Variants in ILRUN observed in about 807,000 individuals in gnomAD.
The protein encoded by ILRUN is protein ILRUN.
Under a neutral mutation model 33.8 loss-of-function variants are expected in ILRUN, and 3 were observed. The observed-to-expected ratio is 0.09, with a 90% CI of 0.04 to 0.23. The LOEUF (loss-of-function observed/expected upper bound fraction) is 0.23, where lower values mean the gene tolerates loss of function less well. Among genes scored for constraint, ILRUN ranks in the 10% least tolerant of loss-of-function variants. ILRUN has a pLI of 1.00. For synonymous variants in ILRUN, 124 were observed against 138.9 expected (o/e 0.89, Z 0.75); for missense variants, 210 against 375.1 (o/e 0.56, Z 3.64).
chr6:34,680,108 C>T (rs151143226), intron 1 of ILRUN, among the ~76,000 whole-genome samples: 26 of 152,390 alleles, frequency 1.7e-4, no homozygotes, highest in Non-Finnish European at 3.4e-4. Context: ...ATCAGAAGCA[C>T]AGGCTACTTA....
At chr6:34,600,535 T>TAA (rs1761487259) in intron 4 of ILRUN, among the ~76,000 whole-genome samples, 2 of 152,226 alleles carry the variant, frequency 1.3e-5, no homozygotes, top group South Asian at 4.1e-4. Flanking sequence ...CTGTATCTTG[T>TAA]GGCCACTATC....
chr6:34,678,836 C>CA (rs767799882), intron 1 of ILRUN, among the ~76,000 whole-genome samples: 1,204 of 47,016 alleles, frequency 0.026, 83 homozygotes, highest in African/African-American at 0.061. Flanking sequence ...GACTCCGTCT[C>CA]AAAAAAAAAA....
chr6:34,688,762 G>A (rs192808884), intron 1 of ILRUN, among the ~76,000 whole-genome samples: 5 of 151,770 alleles, frequency 3.3e-5, no homozygotes, highest in Admixed American at 2.0e-4. Context: ...GTAGTGAGCC[G>A]AGATCACGCC....
chr6:34,625,677 TTC>T (rs1562007521), intron 3 of ILRUN, among the ~76,000 whole-genome samples: 1 of 152,206 alleles, frequency 6.6e-6, no homozygotes, highest in Non-Finnish European at 1.5e-5. Flanking sequence ...TTTGCCCACC[TTC>T]TTTCAGTTTA....
At chr6:34,655,328 T>C (rs1762747171) in intron 1 of ILRUN, among the ~76,000 whole-genome samples, 1 of 152,032 alleles carries the variant, frequency 6.6e-6, no homozygotes, top group Non-Finnish European at 1.5e-5. Context: ...ATACAGAAAA[T>C]CATGTTCTCT....
intron 1 of ILRUN, among the ~76,000 whole-genome samples, chr6:34,687,516 G>A (rs1763546566): frequency 6.6e-6 from 1 of 151,608 alleles, no homozygotes; most frequent in Non-Finnish European, 1.5e-5. Flanking sequence ...CCAATAAGGT[G>A]AAACCCCGTC....
In ILRUN at chr6:34,587,339, A is replaced by G. The variant is rs1345503776; in HGVS notation, c.*3226T>C. The G allele has an allele frequency of 2.0e-5, 3 of 152,624 alleles. No individual in the cohort carries two copies. The highest frequency in any genetic ancestry group is 7.2e-5 in the African/African-American group (3 of 41,430). 9.5% of individuals were successfully genotyped at this position (152,624 alleles called of 1,614,324 possible). ...TCATACAAATATTCATTTATACAAT[A>G]AGGAAAAACCTCCTCATCTTTATCT... On this transcript the variant is annotated 3_prime_UTR_variant, in exon 5 of 5. Transcript: ENST00000374023.
rs1055713798 is a variant in ILRUN at position 34,589,302 on chromosome 6, GCCCACCT to G, written c.*1256_*1262del. The G allele has an allele frequency of 2.3e-4, 35 of 152,380 alleles. No homozygotes were observed. Among genetic ancestry groups the G allele is most frequent in the African/African-American group, 8.4e-4 (35 of 41,592 alleles). 9.4% of individuals were successfully genotyped at this position (152,380 alleles called of 1,614,324 possible). ...TCTTGCTTCAGCTGGGCTGCCACTT[GCCCACCT>G]CCCAGCCAATAATCTAGCATCCTGG... On this transcript the variant is annotated 3_prime_UTR_variant, in exon 5 of 5. Transcript: ENST00000374023.
intron 3 of ILRUN, among the ~76,000 whole-genome samples, chr6:34,620,121 T>C (rs1169756897): frequency 1.3e-5 from 2 of 152,120 alleles, no homozygotes; most frequent in African/African-American, 4.8e-5. Flanking sequence ...GAGTACCCTA[T>C]AGCAGGAGGA....
At chr6:34,625,016 T>C (rs1762088775) in intron 3 of ILRUN, among the ~76,000 whole-genome samples, 1 of 152,170 alleles carries the variant, frequency 6.6e-6, no homozygotes, top group South Asian at 2.1e-4. Flanking sequence ...GCTGGACCAG[T>C]GCAAGAACCA....
rs143024170 is a variant in ILRUN, at chr6:34,603,802, G to A, written c.861+2753C>T. ...TGTACTGCGGGCTCCTAGTGGGTAGGGATCCTTTTATTCCTCAAGTCTCCT... is the reference window on the plus strand; with the variant it reads ...TGTACTGCGGGCTCCTAGTGGGTAGAGATCCTTTTATTCCTCAAGTCTCCT... On this transcript the variant is annotated intron_variant, in intron 4 of 4. Transcript: ENST00000374023. Among the ~76,000 whole-genome samples, 307 of 152,190 alleles carry A rather than the reference G, an allele frequency of 2.0e-3. 2 individuals carry two copies. The highest frequency in any genetic ancestry group is 7.0e-3 in the African/African-American group (290 of 41,526).
Position 34,606,481 on chromosome 6 carries a change from T to C in ILRUN, c.861+74A>G. The C allele has an allele frequency of 9.8e-6, 12 of 1,228,160 alleles. No homozygotes were observed. The South Asian group carries it at 1.6e-4, about 16-fold the overall frequency. The allele number at this position is 1,228,160 out of a possible 1,614,324, so 76.1% of individuals were successfully genotyped here. On this transcript the variant is annotated intron_variant, in intron 4 of 4. Coordinates refer to ENST00000374023, the MANE Select transcript of ILRUN (RefSeq NM_024294.4). The stretch of plus-strand genomic sequence containing the variant: ...TCTGGGGAGCGGCAGTCTAGGATTC[T>C]AGGTTTGCCATGAAGGGGTATCACA...
intron 1 of ILRUN, among the ~76,000 whole-genome samples, chr6:34,667,260 C>A (rs1001625705): frequency 6.6e-6 from 1 of 152,180 alleles, no homozygotes; most frequent in Non-Finnish European, 1.5e-5. Flanking sequence ...CTCAATACCC[C>A]CTTTTTTGGA....
chr6:34,596,321 G>A (rs1011276612), intron 4 of ILRUN, among the ~76,000 whole-genome samples: 5 of 152,130 alleles, frequency 3.3e-5, no homozygotes, highest in South Asian at 2.1e-4. Context: ...GCACAGGTGC[G>A]ATCTCGACTC....
Position 34,664,824 on chromosome 6 carries a change from C to T in ILRUN, c.159-10045G>A, listed in dbSNP as rs557139617. Among the ~76,000 whole-genome samples, 197 of 152,230 alleles carry T rather than the reference C, an allele frequency of 1.3e-3. 4 individuals carry two copies. Among genetic ancestry groups the T allele is most frequent in the Admixed American group, 1.4e-3 (21 of 15,284 alleles). The stretch of plus-strand genomic sequence containing the variant: ...AGGAAATGGTTTAAAATAGCAGTTA[C>T]GAAATGATCAGATAAATCTATAATG... On this transcript the variant is annotated intron_variant, in intron 1 of 4. Transcript: ENST00000374023.
chr6:34,612,795 C>G (rs1582043870), intron 3 of ILRUN, among the ~76,000 whole-genome samples: 1 of 152,246 alleles, frequency 6.6e-6, no homozygotes, highest in East Asian at 1.9e-4. Context: ...GCAATCCCAG[C>G]ATTTTGGGAG....
intron 4 of ILRUN, 141 bp downstream of exon 4, chr6:34,606,414 G>A (rs953184838): frequency 2.1e-5 from 13 of 629,490 alleles, no homozygotes; most frequent in African/African-American, 2.0e-4. Flanking sequence ...CTTTTGCATT[G>A]TTGCTATTGG....
At chr6:34,654,509 T>C (rs1457628497) in intron 2 of ILRUN, 116 bp downstream of exon 2, 2 of 1,019,828 alleles carry the variant, frequency 2.0e-6, no homozygotes, top group Non-Finnish European at 2.9e-6. Flanking sequence ...ACATATCATG[T>C]GTAAGAGAAA....
At chr6:34,627,775 C>T (rs1489600434) in intron 3 of ILRUN, among the ~76,000 whole-genome samples, 2 of 150,366 alleles carry the variant, frequency 1.3e-5, no homozygotes, top group African/African-American at 4.9e-5. Flanking sequence ...GTGATCTCGG[C>T]TCACCACAAC....
Sources: allele counts gnomAD v4.1 joint callset (sites outside exome capture counted in the v4.1 genomes callset), GRCh38; gene constraint gnomAD v4.1.1; transcripts MANE v1.5; gene names NCBI Gene and HGNC (gene_info 2026-07-23, HGNC 2026-07-21).